ME1: variants seen among roughly 807,000 people sequenced by gnomAD.
The protein encoded by ME1 is malic enzyme 1.
Under a neutral mutation model 66.4 loss-of-function variants are expected in ME1, and 74 were observed. The observed-to-expected ratio is 1.11, with a 90% CI of 0.92 to 1.35. The LOEUF is 1.35. Among genes scored for constraint, ME1 ranks in the 40% most tolerant of loss-of-function variants. ME1 has a pLI of 0.00. For missense variants in ME1, 750 were observed against 694.1 expected, an observed-to-expected ratio of 1.08 and a Z score of -0.90; for synonymous variants, 251 against 235.6, an observed-to-expected ratio of 1.07 and a Z score of -0.60.
chr6:83,254,123 A>G (rs1299401459), intron 6 of ME1, among the ~76,000 whole-genome samples: 1 of 152,232 alleles, frequency 6.6e-6, no homozygotes, highest in Non-Finnish European at 1.5e-5. Context: ...CAAATGAACG[A>G]GTTTTAATGA....
At chr6:83,245,882 T>G (rs545523418) in intron 7 of ME1, among the ~76,000 whole-genome samples, 1 of 151,822 alleles carries the variant, frequency 6.6e-6, no homozygotes, top group African/African-American at 2.4e-5. Flanking sequence ...TAAAGAAATC[T>G]TACAGGATCT....
chr6:83,324,964 T>G (rs538210319), intron 5 of ME1, among the ~76,000 whole-genome samples: 1 of 151,810 alleles, frequency 6.6e-6, no homozygotes, highest in Admixed American at 6.6e-5. Context: ...ACAAAAGTCC[T>G]CAATAAAATA....
rs774884114 is a variant in ME1 at position 83,237,763 on chromosome 6, G to A, written c.980C>T (p.Ala327Val). The change falls in exon 9 of 14, where the codon GCC becomes GTC. Residue 327 changes from alanine (A) to valine (V), a missense_variant. By Grantham distance (64) the Ala-to-Val change is moderately conservative. Transcript: ENST00000369705. ...LEKEGLPKEK[A>V]IKKIWLVDSK... Reference sequence around the variant, plus strand: ...ATCAACCAGCCATATCTTTTTGATGGCTTTCTCTTTTGGTAAACCTTCTTT... The same window carrying A: ...ATCAACCAGCCATATCTTTTTGATGACTTTCTCTTTTGGTAAACCTTCTTT... 6.2e-7 allele frequency: 1 copy of A among 1,607,688 alleles called. No individual in the cohort carries two copies.
rs559039210 is a variant in ME1 at position 83,412,197 on chromosome 6, C to CT, written c.79-4297dup. On this transcript the variant is annotated intron_variant, in intron 1 of 13. Coordinates refer to ENST00000369705, the MANE Select transcript of ME1 (RefSeq NM_002395.6). ...AATCCTTAATATTTCCAATGAATGA[C>CT]TTTTTTTCCCTGAAAAATTACTAAA... 1.1e-3 allele frequency among the ~76,000 whole-genome samples: 165 copies of CT among 152,062 alleles called. 1 individual carries two copies. Among genetic ancestry groups the CT allele is most frequent in the South Asian group, 4.2e-4 (2 of 4,810 alleles).
intron 5 of ME1, among the ~76,000 whole-genome samples, chr6:83,329,427 C>A (rs1194977619): frequency 6.6e-6 from 1 of 152,260 alleles, no homozygotes; most frequent in African/African-American, 2.4e-5. Flanking sequence ...ACTCTGCTCT[C>A]CTAGAATGTA....
chr6:83,377,599 T>G (rs1339801115), intron 3 of ME1, among the ~76,000 whole-genome samples: 1 of 151,960 alleles, frequency 6.6e-6, no homozygotes, highest in Non-Finnish European at 1.5e-5. Context: ...TCAAAATAAC[T>G]TAAACTTTTA....
intron 8 of ME1, among the ~76,000 whole-genome samples, chr6:83,238,651 G>A (rs113061581): frequency 3.6e-4 from 55 of 151,908 alleles, no homozygotes; most frequent in African/African-American, 1.2e-3. Context: ...TATTTGTATC[G>A]TGGCATTTGA....
intron 6 of ME1, among the ~76,000 whole-genome samples, chr6:83,292,766 G>A (rs980911230): frequency 6.6e-6 from 1 of 152,210 alleles, no homozygotes; most frequent in Non-Finnish European, 1.5e-5. Context: ...TTGCTGAGAT[G>A]TGGTGGACTC....
At chr6:83,361,761 G>A (rs534995279) in intron 3 of ME1, among the ~76,000 whole-genome samples, 133 of 152,348 alleles carry the variant, frequency 8.7e-4, no homozygotes, top group African/African-American at 3.1e-3. Context: ...TGAACTGCCT[G>A]TCATGAACTG....
intron 3 of ME1, among the ~76,000 whole-genome samples, chr6:83,397,406 G>A (rs575558156): frequency 1.3e-5 from 2 of 152,208 alleles, no homozygotes; most frequent in South Asian, 4.2e-4. Context: ...CACAGAAATC[G>A]AAATTAAAAG....
chr6:83,422,296 GAT>G (rs1487979016), intron 1 of ME1, among the ~76,000 whole-genome samples: 1 of 152,158 alleles, frequency 6.6e-6, no homozygotes, highest in Non-Finnish European at 1.5e-5. Context: ...AAACCAAATT[GAT>G]ATCGGAACCG....
chr6:83,346,990 G>A (rs1220348733), intron 4 of ME1, among the ~76,000 whole-genome samples: 2 of 150,200 alleles, frequency 1.3e-5, no homozygotes, highest in African/African-American at 4.9e-5. Flanking sequence ...GTCTTGCTCT[G>A]TCACCCAGGC....
intron 7 of ME1, among the ~76,000 whole-genome samples, chr6:83,251,033 C>T (rs1790713792): frequency 6.6e-6 from 1 of 152,164 alleles, no homozygotes; most frequent in Non-Finnish European, 1.5e-5. Flanking sequence ...TTTGCCAACC[C>T]CTGCTTTAGA....
intron 13 of ME1, among the ~76,000 whole-genome samples, chr6:83,215,015 A>G (rs1789963832): frequency 6.6e-6 from 1 of 152,212 alleles, no homozygotes; most frequent in South Asian, 2.1e-4. Flanking sequence ...AAATGATAAT[A>G]TGCTATTCAG....
Position 83,286,878 on chromosome 6 carries a change from G to A in ME1, c.704+28432C>T, listed in dbSNP as rs78761733. ...CTACATCAGATGATTTTGAGTTACAGTGCAAGTACCCTTTCCGTAAAAGCA... is the reference window on the plus strand; with the variant it reads ...CTACATCAGATGATTTTGAGTTACAATGCAAGTACCCTTTCCGTAAAAGCA... On this transcript the variant is annotated intron_variant, in intron 6 of 13. Transcript: ENST00000369705. 3.8e-3 allele frequency among the ~76,000 whole-genome samples: 572 copies of A among 152,188 alleles called. 1 individual carries two copies. Among genetic ancestry groups the A allele is most frequent in the African/African-American group, 0.013 (549 of 41,532 alleles).
intron 3 of ME1, among the ~76,000 whole-genome samples, chr6:83,388,826 A>G (rs1175786524): frequency 1.3e-5 from 2 of 152,240 alleles, no homozygotes; most frequent in East Asian, 3.9e-4. Flanking sequence ...GGTGCCCTGT[A>G]TAAGGATGAG....
intron 5 of ME1, among the ~76,000 whole-genome samples, chr6:83,322,915 G>A (rs1768207025): frequency 6.6e-6 from 1 of 152,192 alleles, no homozygotes; most frequent in East Asian, 1.9e-4. Flanking sequence ...GAAGGGTTGG[G>A]TTATCCACAA....
chr6:83,384,613 T>C (rs1769474224), intron 3 of ME1, among the ~76,000 whole-genome samples: 1 of 151,976 alleles, frequency 6.6e-6, no homozygotes, highest in South Asian at 2.1e-4. Context: ...TTTATTCTTT[T>C]AATAGTTTCT....
chr6:83,394,319 G>A (rs995769176), intron 3 of ME1, among the ~76,000 whole-genome samples: 1 of 151,948 alleles, frequency 6.6e-6, no homozygotes, highest in Non-Finnish European at 1.5e-5. Context: ...AATGTTTCTA[G>A]CATAAAGAAA....
Sources: allele counts gnomAD v4.1 joint callset (sites outside exome capture counted in the v4.1 genomes callset), GRCh38; gene constraint gnomAD v4.1.1; transcripts MANE v1.5; gene names NCBI Gene and HGNC (gene_info 2026-07-23, HGNC 2026-07-21).